Variants in FHIP1A observed in about 807,000 individuals in gnomAD.
FHIP1A encodes FHF complex subunit HOOK-interacting protein 1A.
In FHIP1A, 61 loss-of-function variants were observed where a neutral mutation model predicts 88.6. The ratio of observed to expected loss-of-function variants is 0.69; its 90% CI spans 0.56 to 0.85. The LOEUF is 0.85. FHIP1A is among the 40% of genes least tolerant of loss of function. FHIP1A has a pLI of 0.00. For missense variants in FHIP1A, 1,154 were observed against 1,273.5 expected, an observed-to-expected ratio of 0.91 and a Z score of 1.43; for synonymous variants, 478 against 496.0, an observed-to-expected ratio of 0.96 and a Z score of 0.48.
chr4:151,649,300 T>C (rs1232241913), intron 10 of FHIP1A, among the ~76,000 whole-genome samples, 159 bp from the exon 11 acceptor site: 1 of 152,214 alleles, frequency 6.6e-6, no homozygotes, highest in Non-Finnish European at 1.5e-5. Flanking sequence ...CTTTCCTTCT[T>C]ACAATCTAAC....
chr4:151,582,764 T>C (rs1396471167), intron 5 of FHIP1A, among the ~76,000 whole-genome samples: 1 of 152,228 alleles, frequency 6.6e-6, no homozygotes, highest in Non-Finnish European at 1.5e-5. Context: ...TTTTTTTGTG[T>C]GTGTGGATGG....
chr4:151,656,049 A>G lies in FHIP1A; in HGVS notation c.2552-183A>G, dbSNP rs1040820156. Among the ~76,000 whole-genome samples the G allele has an allele frequency of 1.3e-5, 2 of 151,590 alleles. No homozygotes were observed. The highest frequency in any genetic ancestry group is 6.6e-5 in the Admixed American group (1 of 15,238). ...CCTATTTTTCTGTTTTCTTTTTGCC[A>G]TGGTGGTTTGTTTTCCGTTTTGGTT... On this transcript the variant is annotated intron_variant, in intron 11 of 13. Coordinates refer to ENST00000435205, the MANE Select transcript of FHIP1A (RefSeq NM_001109977.3). This position sits in a 1 kb window ranked among gnomAD's most constrained non-coding sequence, Gnocchi z 4.2.
At chr4:151,640,826 C>T (rs964481365) in intron 9 of FHIP1A, among the ~76,000 whole-genome samples, 21 of 152,118 alleles carry the variant, frequency 1.4e-4, no homozygotes, top group Admixed American at 1.4e-3. Context: ...CACCCTTTTA[C>T]TGCTCATATA....
chr4:151,467,392 C>A (rs2126610111), intron 2 of FHIP1A, among the ~76,000 whole-genome samples: 1 of 152,284 alleles, frequency 6.6e-6, no homozygotes. Context: ...CAAATTAGTT[C>A]AACCATTGTG....
intron 3 of FHIP1A, among the ~76,000 whole-genome samples, chr4:151,547,119 C>T (rs748671061): frequency 6.6e-6 from 1 of 152,108 alleles, no homozygotes; most frequent in Non-Finnish European, 1.5e-5. Context: ...TGCAGTGGTA[C>T]CCTTGATTTG....
At chr4:151,425,211 G>A (rs1468920096) in intron 1 of FHIP1A, among the ~76,000 whole-genome samples, 4 of 152,088 alleles carry the variant, frequency 2.6e-5, no homozygotes, top group South Asian at 2.1e-4. Context: ...CTCACTACTC[G>A]TTTATAAGAA....
Position 151,544,591 on chromosome 4 carries a change from G to A in FHIP1A, c.-122-21547G>A, listed in dbSNP as rs1318840672. ...AAATATGGCCTGTCCCTCACAGACC[G>A]AGACCTCAGACTCTGTGATGCTGTT... is the stretch of plus-strand genomic sequence containing the variant. On this transcript the variant is annotated intron_variant, in intron 3 of 13. Transcript: ENST00000435205. Among the ~76,000 whole-genome samples the A allele has an allele frequency of 3.3e-5, 5 of 152,248 alleles. No individual in the cohort carries two copies. The East Asian group carries it at 7.7e-4, about 23-fold the overall frequency.
chr4:151,616,513 A>G (rs1332558801), intron 7 of FHIP1A, among the ~76,000 whole-genome samples: 1 of 136,678 alleles, frequency 7.3e-6, no homozygotes, highest in Non-Finnish European at 1.5e-5. Context: ...CAGTGGTGCG[A>G]TCTCGGCTCA....
At chr4:151,474,568 C>T (rs1055764100) in intron 2 of FHIP1A, among the ~76,000 whole-genome samples, 1 of 152,232 alleles carries the variant, frequency 6.6e-6, no homozygotes, top group Admixed American at 6.5e-5. Context: ...GTTGAAATCA[C>T]AGAAGATTCT....
At chr4:151,498,208 T>C (rs1026535748) in intron 3 of FHIP1A, among the ~76,000 whole-genome samples, 1 of 152,258 alleles carries the variant, frequency 6.6e-6, no homozygotes, top group African/African-American at 2.4e-5. Flanking sequence ...ATTGTCAGAC[T>C]AATTGTTTCT....
intron 5 of FHIP1A, among the ~76,000 whole-genome samples, chr4:151,583,869 G>C (rs1734112491): frequency 6.6e-6 from 1 of 152,106 alleles, no homozygotes; most frequent in South Asian, 2.1e-4. Flanking sequence ...AAAGTGATTT[G>C]TATGGGTATG....
intron 2 of FHIP1A, among the ~76,000 whole-genome samples, chr4:151,472,036 T>A (rs1729531825): frequency 6.6e-6 from 1 of 152,162 alleles, no homozygotes; most frequent in Non-Finnish European, 1.5e-5. Flanking sequence ...TTTGGGTTGG[T>A]TCCACATTTT....
intron 2 of FHIP1A, among the ~76,000 whole-genome samples, chr4:151,464,972 G>A (rs57272881): frequency 0.11 from 17,198 of 152,128 alleles, 1,026 homozygotes; most frequent in African/African-American, 0.13. Context: ...ACTTCGGGAG[G>A]CTGAGGTGAG....
intron 3 of FHIP1A, among the ~76,000 whole-genome samples, chr4:151,500,413 C>A (rs1190996688): frequency 7.2e-6 from 1 of 138,706 alleles, no homozygotes; most frequent in Admixed American, 7.7e-5. Context: ...TTTTATTCTT[C>A]GATTGTATGG....
At chr4:151,494,301 T>C (rs1730385382) in intron 3 of FHIP1A, among the ~76,000 whole-genome samples, 1 of 152,204 alleles carries the variant, frequency 6.6e-6, no homozygotes, top group South Asian at 2.1e-4. Flanking sequence ...TTTTATAGTT[T>C]TAGGTTTTAC....
At position 151,579,156 on chromosome 4, in the gene FHIP1A, A is replaced by G. The variant is rs905404436; in HGVS notation, c.732+1080A>G. On this transcript the variant is annotated intron_variant, in intron 5 of 13. Transcript: ENST00000435205. ...TTTTATGGCAGTCAAATTACTTTGTATGATACTAGAATGGTGGGTACATGT... is the reference window on the plus strand; with the variant it reads ...TTTTATGGCAGTCAAATTACTTTGTGTGATACTAGAATGGTGGGTACATGT... 7.2e-5 allele frequency among the ~76,000 whole-genome samples: 11 copies of G among 152,220 alleles called. 1 individual carries two copies. Among genetic ancestry groups the G allele is most frequent in the Non-Finnish European group, 1.0e-4 (7 of 68,044 alleles).
chr4:151,440,590 C>A (rs1561495617), intron 1 of FHIP1A, among the ~76,000 whole-genome samples: 1 of 152,032 alleles, frequency 6.6e-6, no homozygotes, highest in African/African-American at 2.4e-5. Context: ...CAGAAAAATT[C>A]AGTGATTTTC....
chr4:151,450,477 T>A lies in FHIP1A; in HGVS notation c.-355-4224T>A, dbSNP rs186582235. On this transcript the variant is annotated intron_variant, in intron 1 of 13. Coordinates refer to ENST00000435205, the MANE Select transcript of FHIP1A (RefSeq NM_001109977.3). ...TAATCTATCCTCTTCTAATGTAAAT[T>A]TGGATTGTGTATTTGTTTATTTGAC... 1.2e-4 allele frequency among the ~76,000 whole-genome samples: 19 copies of A among 152,278 alleles called. No individual in the cohort carries two copies. In the East Asian group the frequency reaches 3.7e-3, roughly 29 times the overall value.
At chr4:151,436,212 T>TTCTTGGTTTTC (rs1728193207) in intron 1 of FHIP1A, among the ~76,000 whole-genome samples, 7 of 152,154 alleles carry the variant, frequency 4.6e-5, no homozygotes, top group Non-Finnish European at 2.9e-5. Flanking sequence ...TGGTTTTCAT[T>TTCTTGGTTTTC]AGAGTTTCTC....
Sources: allele counts gnomAD v4.1 joint callset (sites outside exome capture counted in the v4.1 genomes callset), GRCh38; gene constraint gnomAD v4.1.1; non-coding constraint Gnocchi (gnomAD v3.1); transcripts MANE v1.5; gene names NCBI Gene and HGNC (gene_info 2026-07-23, HGNC 2026-07-21).